SH3BP2: variants seen among roughly 807,000 people sequenced by gnomAD.
SH3BP2 encodes the protein SH3 domain-binding protein 2.
A neutral mutation model predicts 56.2 loss-of-function variants in SH3BP2; 38 were observed. That is an observed-to-expected ratio of 0.68 (90% confidence interval 0.52 to 0.89). The LOEUF is 0.89. SH3BP2 is among the 40% of genes least tolerant of loss of function. The pLI, the probability that SH3BP2 is intolerant of heterozygous loss-of-function variation, is 0.00. For synonymous variants in SH3BP2, 346 were observed against 316.7 expected (o/e 1.09, Z -0.98); for missense variants, 748 against 762.6 (o/e 0.98, Z 0.23).
chr4:2,802,834 C>T (rs918855776), intron 1 of SH3BP2, among the ~76,000 whole-genome samples: 1 of 152,186 alleles, frequency 6.6e-6, no homozygotes, highest in African/African-American at 2.4e-5. Flanking sequence ...TGTGCTGACT[C>T]AGCCTTGGTG....
chr4:2,829,677 C>T lies in SH3BP2; in HGVS notation c.771C>T (p.Asp257=). 2 of 1,613,036 alleles carry T rather than the reference C, an allele frequency of 1.2e-6. No homozygotes were observed. Among genetic ancestry groups the T allele is most frequent in the South Asian group, 1.1e-5 (1 of 91,076 alleles). The part of the protein sequence containing the change: ...VGLAAEDSKR[D]PLCPRRAEPC... ...TGGCTGCTGAGGACTCCAAGAGGGA[C>T]CCACTGTGCCCGAGGCGGGCTGAGC... The change falls in exon 8 of 13, where the codon GAC becomes GAT. Residue 257 remains aspartate (D), a synonymous_variant. Coordinates refer to ENST00000503393, the MANE Select transcript of SH3BP2 (RefSeq NM_001122681.2). The surrounding 1 kb of genome is among the most constrained non-coding windows in gnomAD (Gnocchi z 4.9).
At chr4:2,802,882 G>C (rs868051597) in intron 1 of SH3BP2, among the ~76,000 whole-genome samples, 5 of 152,206 alleles carry the variant, frequency 3.3e-5, no homozygotes, top group African/African-American at 1.2e-4. Context: ...GATGGTGACA[G>C]GGTTCCTGGG....
intron 11 of SH3BP2, 64 bp from the exon 12 acceptor site, chr4:2,832,925 TG>T: frequency 1.3e-6 from 2 of 1,507,606 alleles, no homozygotes; most frequent in East Asian, 2.3e-5. Context: ...CCCCAGCCCA[TG>T]GTCTCCCGAG....
At position 2,810,886 on chromosome 4, in the gene SH3BP2, G is replaced by A. The variant is rs1378040616; in HGVS notation, c.-4-9728G>A. 6.6e-6 allele frequency among the ~76,000 whole-genome samples: 1 copy of A among 152,220 alleles called. No individual in the cohort carries two copies. Among genetic ancestry groups the A allele is most frequent in the African/African-American group, 2.4e-5 (1 of 41,452 alleles). On this transcript the variant is annotated intron_variant, in intron 1 of 12. Coordinates refer to ENST00000503393, the MANE Select transcript of SH3BP2 (RefSeq NM_001122681.2). The surrounding 1 kb of genome is among the most constrained non-coding windows in gnomAD (Gnocchi z 4.2). ...CCTCCTGCAAGGAGGAAAGAGAATG[G>A]GAAGAGGCCCCACTCTGTCCGTGCC...
rs565191421 is a variant in SH3BP2, at chr4:2,832,363, C to G, written c.1439C>G (p.Pro480Arg). 4.3e-6 allele frequency: 7 copies of G among 1,614,086 alleles called. No homozygotes were observed. The Admixed American group carries it at 8.3e-5, about 19-fold the overall frequency. Residue 480 changes from proline to arginine, a missense_variant, in exon 11 of 13, where the codon CCC becomes CGC. Physicochemically the swap from Pro to Arg is moderately radical, Grantham distance 103. Around this residue, in one of 3 missense-constraint regions of SH3BP2, gnomAD observed 635 missense variants for 615.0 expected, o/e 1.03. Transcript: ENST00000503393. ...LFKATSPRGEPQDGLYCIRNS... is the reference protein window; with the variant it reads ...LFKATSPRGERQDGLYCIRNS... ...AAGGCTACAAGCCCCCGGGGAGAGC[C>G]CCAGGATGGACTCTACTGCATCCGG...
intron 7 of SH3BP2, 150 bp downstream of exon 7, chr4:2,827,824 GATTGGAGC>G (rs1348289720): frequency 5.8e-6 from 4 of 684,516 alleles, no homozygotes; most frequent in Admixed American, 2.2e-5. Flanking sequence ...GTATTATGAG[GATTGGAGC>G]AGAAGAGGTG....
rs1358769887 is a variant in SH3BP2, at chr4:2,829,209, C to T, written c.587-284C>T. On this transcript the variant is annotated intron_variant, in intron 7 of 12. Transcript: ENST00000503393. The surrounding 1 kb of genome is among the most constrained non-coding windows in gnomAD (Gnocchi z 4.9). ...GACTTCTCTTCCTTTCTCTTCCTTC[C>T]ACCTCTGGGAACCTGATGGGCTCCT... is the stretch of plus-strand genomic sequence containing the variant. 3.3e-5 allele frequency among the ~76,000 whole-genome samples: 5 copies of T among 152,142 alleles called. No homozygotes were observed. The highest frequency in any genetic ancestry group is 5.9e-5 in the Non-Finnish European group (4 of 68,024).
intron 5 of SH3BP2, among the ~76,000 whole-genome samples, chr4:2,825,712 CAT>C (rs2108732258): frequency 6.6e-6 from 1 of 152,358 alleles, no homozygotes; most frequent in South Asian, 2.1e-4. Context: ...GTTAGGGGAT[CAT>C]GTGTGTTTAT....
intron 1 of SH3BP2, among the ~76,000 whole-genome samples, chr4:2,805,634 G>A (rs1450237010): frequency 6.6e-6 from 1 of 152,196 alleles, no homozygotes; most frequent in African/African-American, 2.4e-5. Flanking sequence ...CAGGGGAGGG[G>A]CAGATAGCCA....
intron 1 of SH3BP2, chr4:2,814,802 C>G (rs28656878): frequency 6.6e-6 from 1 of 152,334 alleles, no homozygotes; most frequent in Admixed American, 6.5e-5. Context: ...TCAGCACTCT[C>G]CCTCACAGCT....
At chr4:2,821,950 G>A (rs777423695) in intron 2 of SH3BP2, among the ~76,000 whole-genome samples, 2 of 151,826 alleles carry the variant, frequency 1.3e-5, no homozygotes, top group African/African-American at 4.8e-5. Context: ...TCACTGTAAC[G>A]TCCACCTCCT....
Position 2,830,044 on chromosome 4 carries a change from C to T in SH3BP2, c.1138C>T (p.Pro380Ser). 1 of 1,612,348 alleles carries T rather than the reference C, an allele frequency of 6.2e-7. No individual in the cohort carries two copies. Among genetic ancestry groups the T allele is most frequent in the Non-Finnish European group, 8.5e-7 (1 of 1,179,844 alleles). ...AGCCATGCCCGGACTCTTTGTGCCC[C>T]CCGTGGCTCCCCGGCCTCCTGCGCT... ...EAAMPGLFVP[P>S]VAPRPPALKL... Residue 380 changes from proline to serine, a missense_variant, in exon 8 of 13, where the codon CCC becomes TCC. Transcript: ENST00000503393.
intron 1 of SH3BP2, chr4:2,799,027 T>A (rs988348453): frequency 5.2e-5 from 51 of 985,348 alleles, no homozygotes; most frequent in Non-Finnish European, 5.9e-5. Context: ...AAAGCCGGCG[T>A]CAGGTCATCG....
intron 3 of SH3BP2, chr4:2,823,478 CG>C (rs1724419866): frequency 2.2e-6 from 1 of 457,596 alleles, no homozygotes; most frequent in Non-Finnish European, 4.4e-6. Flanking sequence ...CCTCCCAGGC[CG>C]GGATCAGTTT....
At chr4:2,823,808 G>A (rs1007790094) in intron 3 of SH3BP2, among the ~76,000 whole-genome samples, 2 of 152,354 alleles carry the variant, frequency 1.3e-5, no homozygotes, top group Admixed American at 1.3e-4. Flanking sequence ...TGGGACCTTT[G>A]GAGTGACTCT....
chr4:2,798,579 G>C (rs562644453), intron 1 of SH3BP2: 1 of 152,428 alleles, frequency 6.6e-6, no homozygotes, highest in Non-Finnish European at 1.5e-5. Context: ...AGGCCAGAAA[G>C]GGAAGCCCCT....
Position 2,829,534 on chromosome 4 carries a change from C to A in SH3BP2, c.628C>A (p.Pro210Thr), listed in dbSNP as rs777085450. ...ACCGGCTTACCCACCACCCCCAGTG[C>A]CCACGCCCAGGAAGCCAGCCTTCTC... ...HPPAYPPPPV[P>T]TPRKPAFSDM... The change falls in exon 8 of 13, where the codon CCC (proline) becomes ACC (threonine). Residue 210 changes from proline (P) to threonine (T), a missense_variant. This residue lies in a region of SH3BP2 where 635 missense variants were observed against 615.0 expected (regional missense o/e 1.03). Transcript: ENST00000503393. This position sits in a 1 kb window ranked among gnomAD's most constrained non-coding sequence, Gnocchi z 4.9. The A allele has an allele frequency of 6.2e-7, 1 of 1,613,474 alleles. No homozygotes were observed. The highest frequency in any genetic ancestry group is 8.5e-7 in the Non-Finnish European group (1 of 1,179,982).
intron 10 of SH3BP2, 124 bp downstream of exon 10, chr4:2,832,102 G>A: frequency 9.0e-7 from 1 of 1,109,968 alleles, no homozygotes; most frequent in East Asian, 2.5e-5. Context: ...GCGTGCAGCA[G>A]AAACCAGAGG....
chr4:2,813,848 T>G (rs1723872830), intron 1 of SH3BP2, among the ~76,000 whole-genome samples: 2 of 152,068 alleles, frequency 1.3e-5, no homozygotes, highest in South Asian at 4.1e-4. Flanking sequence ...TTAGTGTGGA[T>G]GGTGTGAGTG....
Sources: allele counts gnomAD v4.1 joint callset (sites outside exome capture counted in the v4.1 genomes callset), GRCh38; gene constraint gnomAD v4.1.1; regional missense constraint gnomAD v4.1.1; non-coding constraint Gnocchi (gnomAD v3.1); transcripts MANE v1.5; gene names NCBI Gene and HGNC (gene_info 2026-07-23, HGNC 2026-07-21).